Variants in HACD1 observed in about 807,000 individuals in gnomAD.
The protein encoded by HACD1 is 3-hydroxyacyl-CoA dehydratase 1.
HACD1 carries 41 observed loss-of-function variants against 32.0 expected under a neutral mutation model. The observed-to-expected ratio is 1.28, with a 90% CI of 1.00 to 1.66. HACD1 has a LOEUF of 1.66. HACD1 is among the 40% of genes most tolerant of loss of function. The probability of loss-of-function intolerance (pLI) is 0.00; values close to 1 mark genes in which losing one functional copy is unlikely to be tolerated. For missense variants in HACD1, 396 were observed against 380.1 expected (o/e 1.04, Z -0.35); for synonymous variants, 142 against 139.0 (o/e 1.02, Z -0.15).
intron 1 of HACD1, chr10:17,615,814 A>T (rs1554817959): frequency 2.3e-6 from 1 of 430,768 alleles, no homozygotes; most frequent in East Asian, 7.9e-5. Flanking sequence ...CAAAAATACA[A>T]AAATTAATGG....
intron 1 of HACD1, among the ~76,000 whole-genome samples, chr10:17,609,155 G>GT (rs56347429): frequency 0.043 from 5,649 of 132,054 alleles, 214 homozygotes; most frequent in South Asian, 0.098. Flanking sequence ...TGTGCAAAAG[G>GT]TTTTTTTTTT....
rs920969191 is a variant in HACD1, at chr10:17,617,369, A to G, written c.-30T>C. On this transcript the variant is annotated 5_prime_UTR_variant, in exon 1 of 7. Coordinates refer to ENST00000361271, the MANE Select transcript of HACD1 (RefSeq NM_014241.4). Reference sequence around the variant, plus strand: ...AGCGCGCAGGGGGCTCGGCGCAGCCAGCTCTACCGACCGCGAGGGGGAGGA... The same window carrying G: ...AGCGCGCAGGGGGCTCGGCGCAGCCGGCTCTACCGACCGCGAGGGGGAGGA... 1.5e-6 allele frequency: 2 copies of G among 1,314,670 alleles called. No homozygotes were observed. Among genetic ancestry groups the G allele is most frequent in the Non-Finnish European group, 1.9e-6 (2 of 1,035,678 alleles). The allele number at this position is 1,314,670 out of a possible 1,614,324, so 81.4% of individuals were successfully genotyped here. A position where few individuals can be genotyped will look rare whatever the true frequency, so the allele number is the denominator to read the frequency against.
intron 6 of HACD1, among the ~76,000 whole-genome samples, chr10:17,591,066 C>T (rs1171859709): frequency 2.0e-5 from 3 of 152,128 alleles, no homozygotes; most frequent in African/African-American, 7.2e-5. Flanking sequence ...GAATTCTGAA[C>T]TCTTTGGAAT....
At chr10:17,591,101 G>A (rs781997844) in intron 6 of HACD1, among the ~76,000 whole-genome samples, 3 of 152,164 alleles carry the variant, frequency 2.0e-5, no homozygotes, top group Admixed American at 6.5e-5. Context: ...TTCCAGCACA[G>A]GGAAAACTGG....
At chr10:17,617,060 A>G in intron 1 of HACD1, 23 bp downstream of exon 1, 1 of 1,459,030 alleles carries the variant, frequency 6.9e-7, no homozygotes, top group Non-Finnish European at 9.0e-7. Context: ...GGAGGGCCCG[A>G]GGGTGCCCCG....
At chr10:17,591,006 C>A (rs1229476942) in intron 6 of HACD1, among the ~76,000 whole-genome samples, 1 of 152,056 alleles carries the variant, frequency 6.6e-6, no homozygotes, top group East Asian at 1.9e-4. Flanking sequence ...AACTTAAATA[C>A]CTTGATAAAA....
chr10:17,591,387 T>C (rs1833926332), intron 6 of HACD1, among the ~76,000 whole-genome samples: 1 of 152,146 alleles, frequency 6.6e-6, no homozygotes. Flanking sequence ...GTTTCTAGAA[T>C]GTGATCTAGA....
At chr10:17,603,419 C>G (rs568100413) in intron 4 of HACD1, 141 bp downstream of exon 4, 1 of 724,770 alleles carries the variant, frequency 1.4e-6, no homozygotes, top group Non-Finnish European at 2.2e-6. Flanking sequence ...TAAGTCAATG[C>G]ACAACATCTA....
Position 17,594,272 on chromosome 10 carries a change from A to G in HACD1, c.717T>C (p.Pro239=). ...KKTGMFSIRL[P]NKYNVSFDYY... is the part of the protein sequence containing the mutation. ...AGTCAAAAGAGACATTGTATTTGTTAGGAAGTCTTATTGAAAACATTCCTG... is the reference window on the plus strand; with the variant it reads ...AGTCAAAAGAGACATTGTATTTGTTGGGAAGTCTTATTGAAAACATTCCTG... The change falls in exon 6 of 7, where the codon CCT becomes CCC. Residue 239 remains proline, a synonymous_variant. Transcript: ENST00000361271. The G allele has an allele frequency of 6.2e-7, 1 of 1,602,836 alleles. No homozygotes were observed. The highest frequency in any genetic ancestry group is 1.1e-5 in the South Asian group (1 of 89,034).
intron 5 of HACD1, among the ~76,000 whole-genome samples, chr10:17,595,922 G>C (rs1351193442): frequency 6.6e-6 from 1 of 151,994 alleles, no homozygotes; most frequent in Non-Finnish European, 1.5e-5. Context: ...GGAGGTCAAG[G>C]GGGCAGTGAG....
chr10:17,591,268 C>T (rs782214281), intron 6 of HACD1, among the ~76,000 whole-genome samples: 3 of 152,112 alleles, frequency 2.0e-5, no homozygotes, highest in South Asian at 2.1e-4. Context: ...CTCAGGGGTG[C>T]GTATACTGAT....
intron 1 of HACD1, among the ~76,000 whole-genome samples, chr10:17,616,363 C>T (rs955150909): frequency 6.6e-6 from 1 of 152,148 alleles, no homozygotes; most frequent in African/African-American, 2.4e-5. Flanking sequence ...GGGAAAATAA[C>T]TTTTTTAAAA....
At chr10:17,595,722 C>T (rs1226466196) in intron 5 of HACD1, among the ~76,000 whole-genome samples, 1 of 151,784 alleles carries the variant, frequency 6.6e-6, no homozygotes, top group Non-Finnish European at 1.5e-5. Context: ...AAAAAAAAAT[C>T]ATTTTTCTCT....
At chr10:17,596,005 T>G (rs891247217) in intron 5 of HACD1, among the ~76,000 whole-genome samples, 6 of 151,964 alleles carry the variant, frequency 3.9e-5, no homozygotes, top group African/African-American at 1.5e-4. Flanking sequence ...AAATTTAATT[T>G]AAAAAAAGAA....
In HACD1 at chr10:17,603,610, C is replaced by T. The variant is rs1834101412; in HGVS notation, c.433G>A (p.Val145Met). 6.2e-7 allele frequency: 1 copy of T among 1,613,628 alleles called. No homozygotes were observed. Among genetic ancestry groups the T allele is most frequent in the African/African-American group, 1.3e-5 (1 of 74,906 alleles). ...PTSVIVTGVQ[V>M]SSRIFMVWLI... ...CACACCATAAAGATTCTTGAACTCA[C>T]TTGGACCCCAGTCACAATCACAGAA... Residue 145 changes from valine to methionine, a missense_variant, in exon 4 of 7, where the codon GTG (valine) becomes ATG (methionine). By Grantham distance (21) the Val-to-Met change is conservative. Coordinates refer to ENST00000361271, the MANE Select transcript of HACD1 (RefSeq NM_014241.4).
At chr10:17,609,176 A>G (rs1554817283) in intron 1 of HACD1, among the ~76,000 whole-genome samples, 11 of 141,754 alleles carry the variant, frequency 7.8e-5, no homozygotes, top group Admixed American at 7.7e-4. Flanking sequence ...TTTTTTTGAG[A>G]CAGAGTCTTG....
intron 6 of HACD1, among the ~76,000 whole-genome samples, chr10:17,592,103 TC>T (rs1833936786): frequency 6.7e-6 from 1 of 149,652 alleles, no homozygotes. Flanking sequence ...TGCATCAGCC[TC>T]CTGAGTAGCT....
Position 17,594,346 on chromosome 10 carries a change from C to A in HACD1, c.643G>T (p.Ala215Ser). Residue 215 changes from alanine to serine, a missense_variant, in exon 6 of 7, where the codon GCT (alanine) becomes TCT (serine). By Grantham distance (99) the Ala-to-Ser change is moderately conservative (BLOSUM62 1). Coordinates refer to ENST00000361271, the MANE Select transcript of HACD1 (RefSeq NM_014241.4). Reference protein sequence around the residue: ...FFIILYPVGVAGELLTIYAAL... With the variant: ...FFIILYPVGVSGELLTIYAAL... ...GCGTATATTGTAAGAAGTTCACCAG[C>A]AACTCCAACAGGATATAAGATGATA... The A allele has an allele frequency of 6.4e-7, 1 of 1,566,768 alleles. No individual in the cohort carries two copies. The highest frequency in any genetic ancestry group is 8.6e-7 in the Non-Finnish European group (1 of 1,157,156).
intron 1 of HACD1, among the ~76,000 whole-genome samples, chr10:17,614,669 G>A (rs1833046079): frequency 6.6e-6 from 1 of 151,832 alleles, no homozygotes; most frequent in African/African-American, 2.4e-5. Context: ...AAGCACCACT[G>A]CACTCCAGCC....
Sources: gnomAD v4.1 joint callset for allele counts (sites outside exome capture counted in the v4.1 genomes callset) on GRCh38, gnomAD v4.1.1 for gene constraint, MANE v1.5 for transcripts, NCBI Gene and HGNC (gene_info 2026-07-23, HGNC 2026-07-21) for gene names.